TENM3: variants seen among roughly 807,000 people sequenced by gnomAD.
TENM3 encodes the protein teneurin transmembrane protein 3, also known as teneurin-3.
TENM3 carries 63 observed loss-of-function variants against 255.1 expected under a neutral mutation model. That is an observed-to-expected ratio of 0.25 (90% confidence interval 0.20 to 0.30). TENM3 has a LOEUF of 0.30. Among genes scored for constraint, TENM3 ranks in the 10% least tolerant of loss-of-function variants. The pLI is 1.00. For synonymous variants in TENM3, 1,306 were observed against 1,322.3 expected (o/e 0.99, Z 0.27); for missense variants, 2,929 against 3,461.1 (o/e 0.85, Z 3.86).
At chr4:181,700,396 G>A in the TENM3 span, among the ~76,000 whole-genome samples, 1 of 152,084 alleles carries the variant, frequency 6.6e-6, no homozygotes, top group Non-Finnish European at 1.5e-5. Context: ...ATCCAAAAAA[G>A]AATCCATCTG....
chr4:182,485,443 C>A (rs1734602327), intron 3 of TENM3, among the ~76,000 whole-genome samples: 1 of 151,892 alleles, frequency 6.6e-6, no homozygotes, highest in African/African-American at 2.4e-5. Flanking sequence ...GCAATTATAC[C>A]CAATTTCAAT....
At chr4:181,708,662 T>C in the TENM3 span, among the ~76,000 whole-genome samples, 1 of 152,058 alleles carries the variant, frequency 6.6e-6, no homozygotes, top group Non-Finnish European at 1.5e-5. Flanking sequence ...CAGTAAGTAA[T>C]GTTCTCAATC....
At chr4:182,016,482 C>T in the TENM3 span, among the ~76,000 whole-genome samples, 1 of 152,186 alleles carries the variant, frequency 6.6e-6, no homozygotes, top group East Asian at 1.9e-4. Flanking sequence ...ATGTCTCCTG[C>T]TTAGGGTCCT....
intron 5 of TENM3, among the ~76,000 whole-genome samples, chr4:182,638,131 G>T (rs930222531): frequency 6.6e-6 from 1 of 151,810 alleles, no homozygotes; most frequent in Non-Finnish European, 1.5e-5. Flanking sequence ...TGGAAATTTG[G>T]GGTAACTAGA....
At chr4:182,014,251 C>T in the TENM3 span, among the ~76,000 whole-genome samples, 1 of 151,116 alleles carries the variant, frequency 6.6e-6, no homozygotes. Context: ...TGTGAGCTAA[C>T]GTGCTAACAC....
At chr4:182,029,073 T>C in the TENM3 span, among the ~76,000 whole-genome samples, 17 of 152,136 alleles carry the variant, frequency 1.1e-4, no homozygotes, top group Non-Finnish European at 2.2e-4. Flanking sequence ...CTCACAATTC[T>C]GCAATATGTA....
At chr4:182,161,016 C>T (rs1196704512) in intron 1 of TENM3, among the ~76,000 whole-genome samples, 1 of 152,014 alleles carries the variant, frequency 6.6e-6, no homozygotes, top group Non-Finnish European at 1.5e-5. Flanking sequence ...CGTGGTGGCT[C>T]GTCTGTAATC....
the TENM3 span, among the ~76,000 whole-genome samples, chr4:182,123,767 T>C: frequency 2.7e-4 from 41 of 152,182 alleles, no homozygotes; most frequent in Middle Eastern, 3.2e-3. Flanking sequence ...GGAAAAATGG[T>C]ACCATTAGAC....
At chr4:181,524,369 A>G in the TENM3 span, among the ~76,000 whole-genome samples, 2 of 152,178 alleles carry the variant, frequency 1.3e-5, no homozygotes, top group Non-Finnish European at 2.9e-5. Flanking sequence ...TACCTTTGCT[A>G]TTGGAATTGA....
chr4:181,859,470 C>CAAGTGAGTG, the TENM3 span, among the ~76,000 whole-genome samples: 1 of 151,948 alleles, frequency 6.6e-6, no homozygotes. Flanking sequence ...ATTATGAAAA[C>CAAGTGAGTG]AAGTGAGTGT....
intron 1 of TENM3, among the ~76,000 whole-genome samples, chr4:182,255,049 T>A (rs1258704697): frequency 6.6e-6 from 1 of 152,126 alleles, no homozygotes; most frequent in Admixed American, 6.6e-5. Flanking sequence ...TTTCGGAAAA[T>A]ATCTTAAATT....
chr4:181,921,261 T>C, the TENM3 span, among the ~76,000 whole-genome samples: 1 of 152,188 alleles, frequency 6.6e-6, no homozygotes, highest in Non-Finnish European at 1.5e-5. Context: ...TTTTTTCCAA[T>C]TCTGTGAAGA....
intron 24 of TENM3, among the ~76,000 whole-genome samples, chr4:182,775,981 A>T (rs1000479948): frequency 1.3e-5 from 2 of 148,588 alleles, no homozygotes; most frequent in Admixed American, 1.4e-4. Context: ...TAGATAGATT[A>T]TATATATATA....
chr4:181,450,059 A>G, the TENM3 span, among the ~76,000 whole-genome samples: 1 of 152,198 alleles, frequency 6.6e-6, no homozygotes, highest in Non-Finnish European at 1.5e-5. Flanking sequence ...TGATGCATTT[A>G]AATGTTATCT....
At chr4:181,520,211 C>T in the TENM3 span, among the ~76,000 whole-genome samples, 9 of 152,304 alleles carry the variant, frequency 5.9e-5, no homozygotes, top group Admixed American at 3.9e-4. Context: ...ACAGCCTTAT[C>T]ATTTGATGTG....
chr4:181,883,693 G>A, the TENM3 span, among the ~76,000 whole-genome samples: 1 of 152,122 alleles, frequency 6.6e-6, no homozygotes, highest in African/African-American at 2.4e-5. Flanking sequence ...TAGCCAGGAT[G>A]GTCTCGATCT....
chr4:181,476,202 AG>A, the TENM3 span, among the ~76,000 whole-genome samples: 8,655 of 28,670 alleles, frequency 0.3, 372 homozygotes, highest in Non-Finnish European at 0.42. Flanking sequence ...AAGACATTTT[AG>A]GGGTTTTTTT....
intron 6 of TENM3, among the ~76,000 whole-genome samples, chr4:182,657,156 C>T (rs967265429): frequency 3.3e-5 from 5 of 152,180 alleles, no homozygotes; most frequent in African/African-American, 2.4e-5. Flanking sequence ...TAACCTTCAG[C>T]ATGTTACTTC....
At chr4:182,312,213 TGG>T (rs1762486615) in intron 1 of TENM3, among the ~76,000 whole-genome samples, 1 of 152,198 alleles carries the variant, frequency 6.6e-6, no homozygotes, top group Non-Finnish European at 1.5e-5. Context: ...TTGAGGTTAT[TGG>T]CTTGGTGTGG....
Sources: allele counts gnomAD v4.1 joint callset (sites outside exome capture counted in the v4.1 genomes callset), GRCh38; gene constraint gnomAD v4.1.1; transcripts MANE v1.5; gene names NCBI Gene and HGNC (gene_info 2026-07-23, HGNC 2026-07-21).